Variants in RNLS observed in about 807,000 individuals in gnomAD.
RNLS encodes renalase, FAD dependent amine oxidase.
A neutral mutation model predicts 39.8 loss-of-function variants in RNLS; 39 were observed. That is an observed-to-expected ratio of 0.98 (90% CI 0.76 to 1.28). The LOEUF is 1.28. Among genes scored for constraint, RNLS ranks in the 50% most tolerant of loss-of-function variants. RNLS has a pLI of 0.00. For synonymous variants in RNLS, 147 were observed against 150.7 expected, an observed-to-expected ratio of 0.98 and a Z score of 0.18; for missense variants, 410 against 413.3, an observed-to-expected ratio of 0.99 and a Z score of 0.07.
intron 4 of RNLS, among the ~76,000 whole-genome samples, chr10:88,524,946 A>G: frequency 9.9e-6 from 1 of 100,848 alleles, no homozygotes; most frequent in African/African-American, 4.5e-5. Context: ...ATATATATAT[A>G]TGGCACACAC....
intron 4 of RNLS, among the ~76,000 whole-genome samples, chr10:88,451,715 T>C (rs963657814): frequency 6.6e-6 from 1 of 152,226 alleles, no homozygotes; most frequent in Non-Finnish European, 1.5e-5. Context: ...AGAGGGTCTA[T>C]TCTCTGCCCC....
chr10:88,534,267 T>C (rs1001513342), intron 4 of RNLS, among the ~76,000 whole-genome samples: 5 of 152,084 alleles, frequency 3.3e-5, no homozygotes, highest in African/African-American at 1.2e-4. Flanking sequence ...AGCCCTGAAT[T>C]AGGCAACATT....
At chr10:88,319,418 A>G (rs1248379778) in intron 5 of RNLS, among the ~76,000 whole-genome samples, 1 of 152,186 alleles carries the variant, frequency 6.6e-6, no homozygotes, top group African/African-American at 2.4e-5. Flanking sequence ...CTCTGTAGCA[A>G]TAGGTCCTAA....
At chr10:88,484,434 G>T (rs1844374045) in intron 4 of RNLS, among the ~76,000 whole-genome samples, 1 of 151,966 alleles carries the variant, frequency 6.6e-6, no homozygotes, top group African/African-American at 2.4e-5. Flanking sequence ...ACTCATCTAT[G>T]ATAATGAGGA....
chr10:88,504,033 T>C (rs1054677523), intron 4 of RNLS, among the ~76,000 whole-genome samples: 6 of 152,070 alleles, frequency 3.9e-5, no homozygotes, highest in African/African-American at 1.4e-4. Flanking sequence ...TGGAGAAGTC[T>C]AAACAGCAAG....
the RNLS span, among the ~76,000 whole-genome samples, chr10:88,182,441 G>T: frequency 6.6e-6 from 1 of 152,064 alleles, no homozygotes; most frequent in Non-Finnish European, 1.5e-5. Context: ...TTCAAAATGC[G>T]TGGGGGTCAG....
the RNLS span, among the ~76,000 whole-genome samples, chr10:88,221,369 T>C: frequency 6.6e-6 from 1 of 152,212 alleles, no homozygotes; most frequent in Non-Finnish European, 1.5e-5. Context: ...AAAATGAATG[T>C]AGACCTTGAA....
rs756499748 is a variant in RNLS at position 88,285,444 on chromosome 10, T to A, written c.939A>T (p.Ala313=). The part of the protein sequence containing the change: ...QMTLHHKPFL[A]CGGDGFTQSN... ...ACTGAGTAAATCCATCCCCTCCACA[T>A]GCAAGGAAAGGTTTGTGATGCAGAG... The change falls in exon 7 of 7, where the codon GCA becomes GCT. Residue 313 remains alanine, a synonymous_variant. Coordinates refer to ENST00000331772, the MANE Select transcript of RNLS (RefSeq NM_001031709.3). The A allele has an allele frequency of 9.3e-6, 15 of 1,613,294 alleles. No homozygotes were observed. The Admixed American group carries it at 2.5e-4, about 27-fold the overall frequency.
chr10:88,176,173 C>CTTTTT, the RNLS span, among the ~76,000 whole-genome samples: 1 of 146,954 alleles, frequency 6.8e-6, no homozygotes, highest in Non-Finnish European at 1.5e-5. Context: ...CTTAGCCTAT[C>CTTTTT]TTTTTTTTTT....
chr10:88,419,431 G>A (rs1008091589), intron 4 of RNLS, among the ~76,000 whole-genome samples: 2 of 152,160 alleles, frequency 1.3e-5, no homozygotes, highest in Non-Finnish European at 2.9e-5. Flanking sequence ...CTGTCCATCA[G>A]GAACTCTGAC....
chr10:88,284,624 A>G lies in RNLS; in HGVS notation c.*730T>C. On this transcript the variant is annotated 3_prime_UTR_variant, in exon 7 of 7. Coordinates refer to ENST00000331772, the MANE Select transcript of RNLS (RefSeq NM_001031709.3). ...AACAGCAACAGCTATAAAATATAGC[A>G]AAAGGTAAGGATCGATATACTTTCT... 5 of 985,174 alleles carry G rather than the reference A, an allele frequency of 5.1e-6. No individual in the cohort carries two copies. The highest frequency in any genetic ancestry group is 6.0e-6 in the Non-Finnish European group (5 of 829,688). The allele number at this position is 985,174 out of a possible 1,614,324, so 61.0% of individuals were successfully genotyped here. A position where few individuals can be genotyped will look rare whatever the true frequency, so the allele number is the denominator to read the frequency against.
downstream of RNLS, among the ~76,000 whole-genome samples, chr10:88,283,538 A>G (rs1843100353): frequency 6.6e-6 from 1 of 152,176 alleles, no homozygotes. Flanking sequence ...AGTTAATTTG[A>G]ATGACCTTTC....
chr10:88,203,268 G>GTA, the RNLS span, among the ~76,000 whole-genome samples: 1,004 of 16,792 alleles, frequency 0.06, 219 homozygotes, highest in East Asian at 0.25. Flanking sequence ...GTGTGTGTAT[G>GTA]TATATATATA....
chr10:88,317,069 T>C (rs1845816232), intron 5 of RNLS, among the ~76,000 whole-genome samples: 2 of 152,188 alleles, frequency 1.3e-5, no homozygotes, highest in South Asian at 4.1e-4. Flanking sequence ...AATGATGCTA[T>C]TTTTCTTTTT....
chr10:88,360,759 T>C (rs1849580682), intron 5 of RNLS, among the ~76,000 whole-genome samples: 2 of 152,158 alleles, frequency 1.3e-5, no homozygotes, highest in African/African-American at 4.8e-5. Flanking sequence ...CCTAAGCATG[T>C]TGTTAAGTTC....
At chr10:88,190,180 G>C in the RNLS span, among the ~76,000 whole-genome samples, 2 of 152,192 alleles carry the variant, frequency 1.3e-5, no homozygotes, top group Admixed American at 6.5e-5. Context: ...AACTCCTCAA[G>C]CTGTTTTTGT....
chr10:88,330,106 T>TATATATATATATAC, intron 5 of RNLS, among the ~76,000 whole-genome samples: 1 of 147,740 alleles, frequency 6.8e-6, no homozygotes, highest in East Asian at 1.9e-4. Flanking sequence ...TAAATATATA[T>TATATATATATATAC]ACACACACTA....
At chr10:88,519,755 T>C (rs113040391) in intron 4 of RNLS, among the ~76,000 whole-genome samples, 2 of 144,696 alleles carry the variant, frequency 1.4e-5, no homozygotes, top group African/African-American at 5.1e-5. Context: ...ATATATATCA[T>C]ATATAGATGA....
At chr10:88,325,535 G>A (rs927640852) in intron 5 of RNLS, among the ~76,000 whole-genome samples, 3 of 152,116 alleles carry the variant, frequency 2.0e-5, no homozygotes, top group South Asian at 4.2e-4. Flanking sequence ...AGAAGTTGCC[G>A]ACTCTCCAAA....
Sources: allele counts gnomAD v4.1 joint callset (sites outside exome capture counted in the v4.1 genomes callset), GRCh38; gene constraint gnomAD v4.1.1; transcripts MANE v1.5; gene names NCBI Gene and HGNC (gene_info 2026-07-23, HGNC 2026-07-21).